Variants in KTN1 observed in about 807,000 individuals in gnomAD.
KTN1 encodes the protein kinectin.
Under a neutral mutation model 222.5 loss-of-function variants are expected in KTN1, and 130 were observed. That is an observed-to-expected ratio of 0.58 (90% CI 0.51 to 0.68). The LOEUF (loss-of-function observed/expected upper bound fraction) is 0.68, where lower values mean the gene tolerates loss of function less well. Ranked by LOEUF, KTN1 falls within the 30% of genes least tolerant of loss-of-function variation. The pLI is 0.00. For synonymous variants in KTN1, 512 were observed against 496.3 expected, an observed-to-expected ratio of 1.03 and a Z score of -0.42; for missense variants, 1,508 against 1,500.4, an observed-to-expected ratio of 1.01 and a Z score of -0.08.
At position 55,671,569 on chromosome 14, in the gene KTN1, C is replaced by T. The variant is rs2045455750; in HGVS notation, c.3352C>T (p.Leu1118=). The T allele has an allele frequency of 1.2e-6, 2 of 1,607,320 alleles. No individual in the cohort carries two copies. Among genetic ancestry groups the T allele is most frequent in the Admixed American group, 1.7e-5 (1 of 58,662 alleles). The change falls in exon 36 of 44, where the codon CTA becomes TTA. Residue 1118 remains leucine (L), a synonymous_variant. Transcript: ENST00000395314. ...GTSGSEEVKV[L]EHKLKEADEM... ...TTCTTTATTTCGTTCTTTGCAGGTT[C>T]TAGAGCACAAGTTGAAAGAAGCTGA...
intron 6 of KTN1, among the ~76,000 whole-genome samples, chr14:55,629,713 G>A (rs1191293944): frequency 2.0e-5 from 3 of 152,190 alleles, no homozygotes; most frequent in Non-Finnish European, 1.5e-5. Context: ...ACTAGAAAGT[G>A]CATTTGAATT....
Position 55,639,983 on chromosome 14 carries a change from A to G in KTN1, c.1894A>G (p.Ser632Gly). 1 of 1,599,328 alleles carries G rather than the reference A, an allele frequency of 6.3e-7. No individual in the cohort carries two copies. Among genetic ancestry groups the G allele is most frequent in the Non-Finnish European group, 8.6e-7 (1 of 1,167,286 alleles). ...SLASERDRLT[S>G]KEEELKDIQN... ...AGCAAGTGAACGTGATCGTTTAACAAGTAAAGAAGAGGAACTTAAGGTATA... is the reference window on the plus strand; with the variant it reads ...AGCAAGTGAACGTGATCGTTTAACAGGTAAAGAAGAGGAACTTAAGGTATA... Residue 632 changes from serine (S) to glycine (G), a missense_variant, in exon 14 of 44, where the codon AGT becomes GGT. Physicochemically the swap from Ser to Gly is moderately conservative, Grantham distance 56 (BLOSUM62 0). Coordinates refer to ENST00000395314, the MANE Select transcript of KTN1 (RefSeq NM_001079521.2).
chr14:55,614,773 G>GT (rs1162337894), intron 2 of KTN1, among the ~76,000 whole-genome samples: 1 of 152,176 alleles, frequency 6.6e-6, no homozygotes, highest in Admixed American at 6.5e-5. Flanking sequence ...AAGGTCTAAA[G>GT]TTTTTACTAC....
Position 55,673,258 on chromosome 14 carries a change from A to G in KTN1, c.3771+3A>G, listed in dbSNP as rs773767324. The stretch of plus-strand genomic sequence containing the variant: ...GACAGAATGAAGAGCTAAATTTGGT[A>G]AGAAGCTTGTCCTCCACTGGGTATC... On this transcript the variant is annotated splice_donor_region_variant and intron_variant, in intron 40 of 43. Coordinates refer to ENST00000395314, the MANE Select transcript of KTN1 (RefSeq NM_001079521.2). 2 of 1,601,662 alleles carry G rather than the reference A, an allele frequency of 1.2e-6. No individual in the cohort carries two copies. The highest frequency in any genetic ancestry group is 1.7e-6 in the Non-Finnish European group (2 of 1,169,278).
rs1427053478 is a variant in KTN1, at chr14:55,618,239, G to C, written c.832+105G>C. The C allele has an allele frequency of 7.3e-6, 6 of 823,566 alleles. No individual in the cohort carries two copies. The Admixed American group carries it at 1.3e-4, about 17-fold the overall frequency. 51.0% of individuals were successfully genotyped at this position (823,566 alleles called of 1,614,324 possible). A position where few individuals can be genotyped will look rare whatever the true frequency, so the allele number is the denominator to read the frequency against. On this transcript the variant is annotated intron_variant, in intron 4 of 43. Coordinates refer to ENST00000395314, the MANE Select transcript of KTN1 (RefSeq NM_001079521.2). ...CTCATAGAAACAATGCATTTCAAAAGAATCAAATCCTTGTGGTAGAAGACT... is the reference window on the plus strand; with the variant it reads ...CTCATAGAAACAATGCATTTCAAAACAATCAAATCCTTGTGGTAGAAGACT...
Sources: gnomAD v4.1 joint callset for allele counts (sites outside exome capture counted in the v4.1 genomes callset) on GRCh38, gnomAD v4.1.1 for gene constraint, MANE v1.5 for transcripts, NCBI Gene and HGNC (gene_info 2026-07-23, HGNC 2026-07-21) for gene names.